CLCN6: variants seen among roughly 807,000 people sequenced by gnomAD.
The protein encoded by CLCN6 is Cl-/H+ antiporter 6.
A neutral mutation model predicts 109.8 loss-of-function variants in CLCN6; 70 were observed. The ratio of observed to expected loss-of-function variants is 0.64; its 90% CI spans 0.53 to 0.78. The LOEUF (loss-of-function observed/expected upper bound fraction) is 0.78, where lower values mean the gene tolerates loss of function less well. Ranked by LOEUF, CLCN6 falls within the 30% of genes least tolerant of loss-of-function variation. The pLI is 0.00. For missense variants in CLCN6, 984 were observed against 1,142.3 expected, an observed-to-expected ratio of 0.86 and a Z score of 2.00; for synonymous variants, 444 against 447.8, an observed-to-expected ratio of 0.99 and a Z score of 0.11.
intron 2 of CLCN6, among the ~76,000 whole-genome samples, chr1:11,811,864 A>G (rs1321491507): frequency 6.6e-6 from 1 of 152,190 alleles, no homozygotes; most frequent in Admixed American, 6.5e-5. Flanking sequence ...TCATTATTAG[A>G]TGGAACCATC....
Position 11,828,568 on chromosome 1 carries a change from C to T in CLCN6, c.1065C>T (p.Asn355=). 1 of 1,614,158 alleles carries T rather than the reference C, an allele frequency of 6.2e-7. No individual in the cohort carries two copies. Among genetic ancestry groups the T allele is most frequent in the African/African-American group, 1.3e-5 (1 of 75,042 alleles). The part of the protein sequence containing the change: ...GLLGATFNCL[N]KRLAKYRMRN... ...TGGGAGCCACATTCAACTGTCTGAA[C>T]AAGAGGCTTGCAAAGTACCGTATGC... Residue 355 remains asparagine, a synonymous_variant, in exon 12 of 23, where the codon AAC becomes AAT. Transcript: ENST00000346436.
At position 11,836,172 on chromosome 1, in the gene CLCN6, G is replaced by A. The variant is rs777506103; in HGVS notation, c.1980+19G>A. ...GTTCAAGGTAAAGAAAACGGCATGA[G>A]AGGAAAGGCAGGTGAGAGACAAGCG... On this transcript the variant is annotated intron_variant, in intron 18 of 22. Coordinates refer to ENST00000346436, the MANE Select transcript of CLCN6 (RefSeq NM_001286.5). The A allele has an allele frequency of 6.2e-7, 1 of 1,606,780 alleles. No homozygotes were observed. Among genetic ancestry groups the A allele is most frequent in the South Asian group, 1.1e-5 (1 of 90,112 alleles).
chr1:11,838,480 G>A, intron 21 of CLCN6, 38 bp downstream of exon 21: 2 of 1,608,282 alleles, frequency 1.2e-6, no homozygotes, highest in Non-Finnish European at 1.7e-6. Flanking sequence ...ATGCGGAGCT[G>A]CCTCTTCATG....
rs1020927494 is a variant in CLCN6 at position 11,842,628 on chromosome 1, G to A, written c.*2405G>A. The A allele has an allele frequency of 1.3e-5, 2 of 152,708 alleles. No individual in the cohort carries two copies. The highest frequency in any genetic ancestry group is 4.8e-5 in the African/African-American group (2 of 41,474). 9.5% of individuals were successfully genotyped at this position (152,708 alleles called of 1,614,324 possible). ...GGGAGCCTACGGGTGGTAAGAAGTG[G>A]TGTTTTGTGTTTCATCTCCAGCTTG... On this transcript the variant is annotated 3_prime_UTR_variant, in exon 23 of 23. Transcript: ENST00000346436.
chr1:11,809,593 G>C (rs1303702203), intron 2 of CLCN6, among the ~76,000 whole-genome samples: 1 of 152,026 alleles, frequency 6.6e-6, no homozygotes, highest in Non-Finnish European at 1.5e-5. Flanking sequence ...AAGTAGCTGG[G>C]ACTACATGCA....
In CLCN6 at chr1:11,824,533, G is replaced by A. The variant is rs754422676; in HGVS notation, c.628G>A (p.Val210Met). Residue 210 changes from valine to methionine, a missense_variant, in exon 8 of 23, where the codon GTG becomes ATG. Val to Met is a conservative substitution (Grantham distance 21, BLOSUM62 1). Coordinates refer to ENST00000346436, the MANE Select transcript of CLCN6 (RefSeq NM_001286.5). Reference sequence around the variant, plus strand: ...CCCCATGATCCACAGTGGTTCGGTGGTGGGAGCTGGCCTCCCTCAGGTAAG... The same window carrying A: ...CCCCATGATCCACAGTGGTTCGGTGATGGGAGCTGGCCTCCCTCAGGTAAG... ...EGPMIHSGSV[V>M]GAGLPQFQSI... 4.3e-6 allele frequency: 7 copies of A among 1,613,722 alleles called. No homozygotes were observed. The South Asian group carries it at 7.7e-5, about 18-fold the overall frequency.
At chr1:11,809,987 GA>G (rs1207913043) in intron 2 of CLCN6, among the ~76,000 whole-genome samples, 1 of 152,166 alleles carries the variant, frequency 6.6e-6, no homozygotes, top group East Asian at 1.9e-4. Context: ...TGATTTAGTG[GA>G]ATCTCATTTT....
At chr1:11,816,467 AC>A (rs1369237716) in intron 3 of CLCN6, 147 bp from the exon 4 acceptor site, 9 of 702,516 alleles carry the variant, frequency 1.3e-5, no homozygotes, top group Non-Finnish European at 2.0e-5. Flanking sequence ...TCATTTTTGC[AC>A]TGTAAAGCAC....
chr1:11,812,713 T>TGTGTGTG (rs1644617588), intron 2 of CLCN6, among the ~76,000 whole-genome samples: 3 of 142,932 alleles, frequency 2.1e-5, no homozygotes, highest in South Asian at 2.3e-4. Context: ...TGTGTGTGTA[T>TGTGTGTG]TGTTGGGGCT....
intron 6 of CLCN6, among the ~76,000 whole-genome samples, chr1:11,823,471 C>CT (rs1168761778): frequency 1.4e-5 from 2 of 146,388 alleles, no homozygotes; most frequent in Non-Finnish European, 3.0e-5. Flanking sequence ...GAGTGAAACT[C>CT]TACCTCAAAA....
chr1:11,814,265 T>TTTTTTTTTG (rs1644640217), intron 2 of CLCN6, among the ~76,000 whole-genome samples: 1 of 150,934 alleles, frequency 6.6e-6, no homozygotes. Flanking sequence ...TTTTTTTTTT[T>TTTTTTTTTG]GAGAGTGTCT....
chr1:11,813,981 A>G (rs1644636482), intron 2 of CLCN6, among the ~76,000 whole-genome samples: 1 of 152,128 alleles, frequency 6.6e-6, no homozygotes, highest in African/African-American at 2.4e-5. Flanking sequence ...ATTGGTGTAT[A>G]GTTTACTATA....
chr1:11,806,677 A>C, intron 1 of CLCN6: 1 of 379,348 alleles, frequency 2.6e-6, no homozygotes, highest in Non-Finnish European at 4.7e-6. Context: ...TGTGCTTATC[A>C]TGCTGCTGTT....
chr1:11,827,305 T>A, intron 10 of CLCN6, 84 bp downstream of exon 10: 1 of 1,367,388 alleles, frequency 7.3e-7, no homozygotes, highest in Non-Finnish European at 9.5e-7. Flanking sequence ...GAATGGTAGT[T>A]TTGATGAGAC....
chr1:11,812,998 C>T (rs72640253), intron 2 of CLCN6, among the ~76,000 whole-genome samples: 15,050 of 152,176 alleles, frequency 0.099, 799 homozygotes, highest in South Asian at 0.16. Context: ...TGTTCACTGT[C>T]CCATACAATT....
At chr1:11,826,093 G>A in intron 8 of CLCN6, 63 bp from the exon 9 acceptor site, 1 of 1,161,538 alleles carries the variant, frequency 8.6e-7, no homozygotes, top group East Asian at 2.4e-5. Context: ...TAATTACTGG[G>A]GTACAGGTAG....
At chr1:11,830,635 T>C (rs928095432) in intron 13 of CLCN6, among the ~76,000 whole-genome samples, 6 of 151,286 alleles carry the variant, frequency 4.0e-5, no homozygotes, top group East Asian at 3.9e-4. Flanking sequence ...AACTGTACTC[T>C]TTCCTTGTTG....
chr1:11,811,571 G>A (rs983399468), intron 2 of CLCN6, among the ~76,000 whole-genome samples: 1 of 152,078 alleles, frequency 6.6e-6, no homozygotes. Context: ...TAGTAGAGAC[G>A]AGGCTTCTCC....
At chr1:11,808,405 G>A (rs192639860) in intron 2 of CLCN6, among the ~76,000 whole-genome samples, 35 of 152,064 alleles carry the variant, frequency 2.3e-4, no homozygotes, top group Non-Finnish European at 4.4e-4. Context: ...CCCTTCCCAT[G>A]TTATTTTGAA....
Sources: gnomAD v4.1 joint callset for allele counts (sites outside exome capture counted in the v4.1 genomes callset) on GRCh38, gnomAD v4.1.1 for gene constraint, MANE v1.5 for transcripts, NCBI Gene and HGNC (gene_info 2026-07-23, HGNC 2026-07-21) for gene names.